The following DPP6 variants were observed in gnomAD, a reference collection of about 807,000 sequenced individuals.
DPP6 encodes dipeptidyl peptidase like 6, also known as A-type potassium channel modulatory protein DPP6.
DPP6 carries 69 observed loss-of-function variants against 122.6 expected under a neutral mutation model. The ratio of observed to expected loss-of-function variants is 0.56; its 90% confidence interval spans 0.46 to 0.69. The LOEUF is 0.69. DPP6 is among the 30% of genes least tolerant of loss of function. The pLI, the probability that DPP6 is intolerant of heterozygous loss-of-function variation, is 0.00. For synonymous variants in DPP6, 418 were observed against 433.1 expected (o/e 0.97, Z 0.43); for missense variants, 928 against 1,116.9 (o/e 0.83, Z 2.41).
chr7:153,955,065 G>A (rs1280151822), intron 1 of DPP6, among the ~76,000 whole-genome samples: 1 of 152,200 alleles, frequency 6.6e-6, no homozygotes, highest in African/African-American at 2.4e-5. Flanking sequence ...GCCTTCTTCA[G>A]TCTTCAGACT....
In DPP6 at chr7:154,857,702, G is replaced by A. The variant is rs142807195; in HGVS notation, c.1714+3875G>A. On this transcript the variant is annotated intron_variant, in intron 17 of 25. Transcript: ENST00000377770. ...CCCCAGTTCCAGCAGCATCTTGTTC[G>A]TGGTGTGGTTGGACCACATCAGAGC... 1.2e-4 allele frequency among the ~76,000 whole-genome samples: 19 copies of A among 152,296 alleles called. No homozygotes were observed. In the East Asian group the frequency reaches 2.1e-3, roughly 17 times the overall value.
intron 6 of DPP6, among the ~76,000 whole-genome samples, chr7:154,641,528 T>G (rs1836089285): frequency 6.6e-6 from 1 of 152,200 alleles, no homozygotes; most frequent in African/African-American, 2.4e-5. Flanking sequence ...GCATGACTTC[T>G]TTTTCTAGAA....
At chr7:154,836,484 T>G (rs1241745345) in intron 16 of DPP6, among the ~76,000 whole-genome samples, 1 of 152,240 alleles carries the variant, frequency 6.6e-6, no homozygotes, top group African/African-American at 2.4e-5. Context: ...TAATTAAAAT[T>G]GTCACTTGTG....
chr7:154,196,908 C>T (rs899534502), intron 1 of DPP6, among the ~76,000 whole-genome samples: 5 of 152,052 alleles, frequency 3.3e-5, no homozygotes, highest in Admixed American at 1.3e-4. Context: ...CCCTAATAAG[C>T]GTATGTGTTC....
intron 12 of DPP6, 182 bp downstream of exon 12, chr7:154,796,065 A>G: frequency 1.0e-6 from 1 of 976,032 alleles, no homozygotes; most frequent in Non-Finnish European, 1.4e-6. Flanking sequence ...GGTTGCCCAG[A>G]GAGCTCCAGG....
the DPP6 span, among the ~76,000 whole-genome samples, chr7:153,838,614 A>C: frequency 6.6e-6 from 1 of 150,476 alleles, no homozygotes; most frequent in South Asian, 2.1e-4. Flanking sequence ...CCACTGATTA[A>C]AATAACAGAA....
chr7:154,607,561 CAAAAAAAAAAAAAAAAA>C lies in DPP6; in HGVS notation c.628-30249_628-30233del, dbSNP rs1162220684. Reference sequence around the variant, plus strand: ...TGGGCGACAGAGCAAGACTCTGTCTCAAAAAAAAAAAAAAAAAAAAAAAAAAAGGAAAGAAAAAGTTG... The same window carrying C: ...TGGGCGACAGAGCAAGACTCTGTCTCAAAAAAAAAAGGAAAGAAAAAGTTG... On this transcript the variant is annotated intron_variant, in intron 5 of 25. Transcript: ENST00000377770. 7.1e-3 allele frequency among the ~76,000 whole-genome samples: 159 copies of C among 22,384 alleles called. 24 individuals are homozygous for C. Among genetic ancestry groups the C allele is most frequent in the African/African-American group, 0.021 (149 of 6,958 alleles). 14.7% of individuals were successfully genotyped at this position (22,384 alleles called of 152,430 possible).
chr7:154,479,640 G>GTGGTCACA (rs1370725121), intron 3 of DPP6, among the ~76,000 whole-genome samples: 1 of 151,558 alleles, frequency 6.6e-6, no homozygotes, highest in Non-Finnish European at 1.5e-5. Context: ...ACTCCCAGAA[G>GTGGTCACA]TGGTCACAGC....
chr7:153,889,771 G>T (rs1799106870), intron 1 of DPP6, among the ~76,000 whole-genome samples: 1 of 152,212 alleles, frequency 6.6e-6, no homozygotes, highest in Admixed American at 6.5e-5. Flanking sequence ...TGAGCCTAGA[G>T]AATTCTACAG....
chr7:154,890,558 A>C (rs773603722), intron 25 of DPP6: 7 of 152,216 alleles, frequency 4.6e-5, no homozygotes, highest in Non-Finnish European at 1.0e-4. Flanking sequence ...GTCCATGTGT[A>C]TGTGTTCATG....
At chr7:153,887,863 G>C in intron 1 of DPP6, 4 of 1,065,686 alleles carry the variant, frequency 3.8e-6, no homozygotes, top group Non-Finnish European at 5.1e-6. Flanking sequence ...CGCGCGCGGC[G>C]GCGCTTCTCC....
At chr7:154,716,344 C>T (rs1457548321) in intron 7 of DPP6, among the ~76,000 whole-genome samples, 1 of 152,146 alleles carries the variant, frequency 6.6e-6, no homozygotes, top group African/African-American at 2.4e-5. Flanking sequence ...CTTTTACCAC[C>T]CTGCATCCCT....
intron 1 of DPP6, among the ~76,000 whole-genome samples, chr7:154,014,021 T>C (rs1217389716): frequency 6.6e-6 from 1 of 152,162 alleles, no homozygotes; most frequent in Non-Finnish European, 1.5e-5. Context: ...CAGCCCAGGA[T>C]TGCCCTGGCC....
At chr7:154,260,676 T>A (rs888065943) in intron 1 of DPP6, among the ~76,000 whole-genome samples, 4 of 147,742 alleles carry the variant, frequency 2.7e-5, no homozygotes, top group South Asian at 2.1e-4. Context: ...TATATATATA[T>A]AATACATATA....
At chr7:154,510,506 T>G (rs1158046201) in intron 3 of DPP6, among the ~76,000 whole-genome samples, 1 of 151,988 alleles carries the variant, frequency 6.6e-6, no homozygotes, top group Non-Finnish European at 1.5e-5. Flanking sequence ...AAGACCAGCC[T>G]GGCCAACATA....
At chr7:154,710,758 T>A (rs1841127607) in intron 7 of DPP6, among the ~76,000 whole-genome samples, 1 of 152,192 alleles carries the variant, frequency 6.6e-6, no homozygotes. Flanking sequence ...GGTGAAGTGT[T>A]TTGTGTGTGT....
intron 7 of DPP6, among the ~76,000 whole-genome samples, chr7:154,723,930 T>C (rs1841942725): frequency 6.6e-6 from 1 of 151,878 alleles, no homozygotes; most frequent in Non-Finnish European, 1.5e-5. Flanking sequence ...GGGCAGAGAG[T>C]TTAGAGACAG....
At chr7:154,805,697 C>G (rs985091365) in intron 15 of DPP6, among the ~76,000 whole-genome samples, 1 of 152,094 alleles carries the variant, frequency 6.6e-6, no homozygotes, top group Admixed American at 6.6e-5. Context: ...TTTTCTAGGG[C>G]GTGTCCCTCT....
intron 10 of DPP6, among the ~76,000 whole-genome samples, chr7:154,780,870 G>T (rs1278794993): frequency 6.6e-6 from 1 of 152,130 alleles, no homozygotes; most frequent in Non-Finnish European, 1.5e-5. Context: ...TGGTTGGGTG[G>T]GTGGAGGGAT....
Sources: gnomAD v4.1 joint callset for allele counts (sites outside exome capture counted in the v4.1 genomes callset) on GRCh38, gnomAD v4.1.1 for gene constraint, MANE v1.5 for transcripts, NCBI Gene and HGNC (gene_info 2026-07-23, HGNC 2026-07-21) for gene names.